GRIK1: variants seen among roughly 807,000 people sequenced by gnomAD.
GRIK1 encodes the protein glutamate ionotropic receptor kainate type subunit 1, also known as glutamate receptor ionotropic, kainate 1.
A neutral mutation model predicts 105.7 loss-of-function variants in GRIK1; 69 were observed. The observed-to-expected ratio is 0.65, with a 90% CI of 0.54 to 0.80. GRIK1 has a LOEUF of 0.80. Among genes scored for constraint, GRIK1 ranks in the 30% least tolerant of loss-of-function variants. GRIK1 has a pLI of 0.00. For synonymous variants in GRIK1, 438 were observed against 431.3 expected (o/e 1.02, Z -0.19); for missense variants, 1,109 against 1,167.3 (o/e 0.95, Z 0.73).
intron 1 of GRIK1, among the ~76,000 whole-genome samples, chr21:29,741,189 C>T (rs988998276): frequency 2.0e-5 from 3 of 152,178 alleles, no homozygotes; most frequent in Non-Finnish European, 4.4e-5. Flanking sequence ...CCTTTTAAAA[C>T]TTTGCTCTGC....
At chr21:29,824,554 G>C (rs1437536183) in intron 1 of GRIK1, among the ~76,000 whole-genome samples, 1 of 152,102 alleles carries the variant, frequency 6.6e-6, no homozygotes, top group East Asian at 1.9e-4. Flanking sequence ...TCTCTGGTCA[G>C]ATGTTACTTG....
At chr21:29,655,262 G>T (rs1187986819) in intron 4 of GRIK1, among the ~76,000 whole-genome samples, 2 of 152,154 alleles carry the variant, frequency 1.3e-5, no homozygotes, top group Non-Finnish European at 2.9e-5. Context: ...TACAAAATTA[G>T]CTGGGCGTGA....
At chr21:29,645,070 T>A (rs555193108) in intron 6 of GRIK1, among the ~76,000 whole-genome samples, 1 of 152,330 alleles carries the variant, frequency 6.6e-6, no homozygotes, top group South Asian at 2.1e-4. Flanking sequence ...ATAGTCACAA[T>A]AATAGTTCAA....
At chr21:29,908,289 T>C (rs2070711974) in intron 1 of GRIK1, among the ~76,000 whole-genome samples, 4 of 152,174 alleles carry the variant, frequency 2.6e-5, no homozygotes, top group Admixed American at 2.6e-4. Context: ...TAACTCAGTT[T>C]CCTAGATATC....
intron 4 of GRIK1, among the ~76,000 whole-genome samples, chr21:29,663,837 C>G (rs1428360111): frequency 1.3e-5 from 2 of 151,958 alleles, no homozygotes; most frequent in African/African-American, 4.8e-5. Context: ...ATGTTTTACT[C>G]AGAATGAATA....
At chr21:29,539,288 T>C (rs1432010625) in intron 16 of GRIK1, among the ~76,000 whole-genome samples, 2 of 152,212 alleles carry the variant, frequency 1.3e-5, no homozygotes, top group African/African-American at 2.4e-5. Context: ...TTGCATTTAA[T>C]ACACCTAACT....
At chr21:29,786,445 C>G (rs569477939) in intron 1 of GRIK1, among the ~76,000 whole-genome samples, 2 of 150,978 alleles carry the variant, frequency 1.3e-5, no homozygotes, top group Admixed American at 6.6e-5. Context: ...GGATATGGAC[C>G]TATCTTTTTG....
At chr21:29,874,074 G>C (rs1460633203) in intron 1 of GRIK1, among the ~76,000 whole-genome samples, 4 of 152,268 alleles carry the variant, frequency 2.6e-5, no homozygotes, top group South Asian at 4.1e-4. Flanking sequence ...GCGAGTGACG[G>C]GGACTGACTG....
chr21:29,554,928 A>C lies in GRIK1; in HGVS notation c.2607+124T>G. The C allele has an allele frequency of 4.0e-6, 3 of 748,206 alleles. No individual in the cohort carries two copies. The South Asian group carries it at 5.8e-5, about 14-fold the overall frequency. The allele number at this position is 748,206 out of a possible 1,614,324, so 46.3% of individuals were successfully genotyped here. Reference sequence around the variant, plus strand: ...TTCAATAGCTCTCTGCTCTAACTCAAAAATGGCTCTTCTGGGCATCTAATT... The same window carrying C: ...TTCAATAGCTCTCTGCTCTAACTCACAAATGGCTCTTCTGGGCATCTAATT... On this transcript the variant is annotated intron_variant, in intron 16 of 17. Transcript: ENST00000327783.
At chr21:29,617,399 A>G (rs2061877769) in intron 7 of GRIK1, among the ~76,000 whole-genome samples, 2 of 152,142 alleles carry the variant, frequency 1.3e-5, no homozygotes, top group Non-Finnish European at 2.9e-5. Context: ...CCCGTGTGCA[A>G]GTTTGAGCAA....
intron 1 of GRIK1, among the ~76,000 whole-genome samples, chr21:29,912,440 A>G (rs752444577): frequency 1.7e-4 from 26 of 152,168 alleles, no homozygotes; most frequent in Non-Finnish European, 3.2e-4. Flanking sequence ...TCTCATCAGT[A>G]AATACTCTTA....
At chr21:29,751,881 C>G (rs1014484641) in intron 1 of GRIK1, among the ~76,000 whole-genome samples, 2 of 152,152 alleles carry the variant, frequency 1.3e-5, no homozygotes, top group Admixed American at 1.3e-4. Flanking sequence ...TCTTTCGAGA[C>G]GCTAGCTGTC....
chr21:29,624,228 A>G (rs942307935), intron 7 of GRIK1, among the ~76,000 whole-genome samples: 2 of 152,076 alleles, frequency 1.3e-5, no homozygotes, highest in Admixed American at 6.5e-5. Flanking sequence ...TCCCTTTCTT[A>G]TTCTGAAGAA....
At chr21:29,865,911 C>A (rs1446489954) in intron 1 of GRIK1, among the ~76,000 whole-genome samples, 1 of 152,160 alleles carries the variant, frequency 6.6e-6, no homozygotes, top group Non-Finnish European at 1.5e-5. Context: ...AGCCACAGCC[C>A]TAATGTGTCT....
intron 1 of GRIK1, among the ~76,000 whole-genome samples, chr21:29,829,682 G>A (rs1310195144): frequency 6.6e-6 from 1 of 152,138 alleles, no homozygotes; most frequent in Non-Finnish European, 1.5e-5. Context: ...GGACCTCTCT[G>A]CCATGGAATG....
intron 1 of GRIK1, among the ~76,000 whole-genome samples, chr21:29,764,686 A>C (rs2065613659): frequency 6.6e-6 from 1 of 152,210 alleles, no homozygotes; most frequent in Non-Finnish European, 1.5e-5. Context: ...AAATAAACAC[A>C]TCATAAGATC....
intron 1 of GRIK1, among the ~76,000 whole-genome samples, chr21:29,837,512 A>C (rs2067840835): frequency 6.6e-6 from 1 of 152,202 alleles, no homozygotes. Flanking sequence ...GAGAAACTGA[A>C]GAATAGGAGG....
At chr21:29,574,718 C>T (rs1412848177) in intron 14 of GRIK1, among the ~76,000 whole-genome samples, 7 of 133,728 alleles carry the variant, frequency 5.2e-5, no homozygotes, top group East Asian at 2.2e-4. Context: ...GACGGAGTCT[C>T]GCTCTGTGGC....
chr21:29,557,592 T>G (rs555407478), intron 15 of GRIK1, among the ~76,000 whole-genome samples: 1 of 152,310 alleles, frequency 6.6e-6, no homozygotes, highest in South Asian at 2.1e-4. Context: ...TTGTAAGACT[T>G]CCTGAAATAA....
Sources: allele counts gnomAD v4.1 joint callset (sites outside exome capture counted in the v4.1 genomes callset), GRCh38; gene constraint gnomAD v4.1.1; transcripts MANE v1.5; gene names NCBI Gene and HGNC (gene_info 2026-07-23, HGNC 2026-07-21).